The following C4orf54 variants were observed in gnomAD, a reference collection of about 807,000 sequenced individuals.
C4orf54 encodes chromosome 4 open reading frame 54, also known as uncharacterized protein C4orf54.
C4orf54 carries 67 observed loss-of-function variants against 80.1 expected under a neutral mutation model. That is an observed-to-expected ratio of 0.84 (90% CI 0.69 to 1.03). The LOEUF (loss-of-function observed/expected upper bound fraction) is 1.03. C4orf54 is among the 50% of genes least tolerant of loss of function. C4orf54 has a pLI of 0.00. For synonymous variants in C4orf54, 1,000 were observed against 917.0 expected, an observed-to-expected ratio of 1.09 and a Z score of -1.64; for missense variants, 2,434 against 2,253.5, an observed-to-expected ratio of 1.08 and a Z score of -1.62.
At chr4:99,641,475 C>T (rs746730352) in intron 2 of C4orf54, among the ~76,000 whole-genome samples, 52 of 152,056 alleles carry the variant, frequency 3.4e-4, no homozygotes, top group Middle Eastern at 6.8e-3. Context: ...TTAAATGTTC[C>T]GTTTCATTGA....
chr4:99,654,427 G>A lies in C4orf54; in HGVS notation c.222C>T (p.Leu74=), dbSNP rs1726944074. 1.3e-6 allele frequency: 1 copy of A among 765,950 alleles called. No homozygotes were observed. Among genetic ancestry groups the A allele is most frequent in the Non-Finnish European group, 2.3e-6 (1 of 442,978 alleles). 47.4% of individuals were successfully genotyped at this position (765,950 alleles called of 1,614,324 possible). A position where few individuals can be genotyped will look rare whatever the true frequency, so the allele number is the denominator to read the frequency against. The change falls in exon 2 of 3, where the codon CTC becomes CTT. Residue 74 remains leucine (L), a synonymous_variant. Transcript: ENST00000511828. ...TASSRSLPTS[L]RLAAAPPQGL... is the part of the protein sequence containing the mutation. ...CCTGTGGCGGGGCCGCAGCAAGCCT[G>A]AGGGAGGTGGGAAGGCTCCTGGATG...
rs1001949606 is a variant in C4orf54, at chr4:99,652,853, G to C, written c.1796C>G (p.Ala599Gly). Reference sequence around the variant, plus strand: ...GCTGGAGTAGTCCACCAGCTCCTTCGCCCGGATGGCCCCGCACCTGGTTTG... The same window carrying C: ...GCTGGAGTAGTCCACCAGCTCCTTCCCCCGGATGGCCCCGCACCTGGTTTG... ...RLQTRCGAIR[A>G]KELVDYSSGA... The change falls in exon 2 of 3, where the codon GCG (alanine) becomes GGG (glycine). Residue 599 changes from alanine to glycine, a missense_variant. Ala to Gly is a moderately conservative substitution (Grantham distance 60, BLOSUM62 0). Coordinates refer to ENST00000511828, the MANE Select transcript of C4orf54 (RefSeq NM_001354435.2). 2.2e-5 allele frequency: 34 copies of C among 1,535,946 alleles called. No individual in the cohort carries two copies. The highest frequency in any genetic ancestry group is 2.9e-5 in the Non-Finnish European group (33 of 1,146,894).
At chr4:99,642,273 G>A (rs1009801929) in intron 2 of C4orf54, among the ~76,000 whole-genome samples, 2 of 152,212 alleles carry the variant, frequency 1.3e-5, no homozygotes, top group Non-Finnish European at 2.9e-5. Flanking sequence ...AAAAGAAAAT[G>A]TGGGACTGAG....
In C4orf54 at chr4:99,639,679, AAAGG is replaced by A. The variant is rs1726572616; in HGVS notation, c.*1550_*1553del. On this transcript the variant is annotated 3_prime_UTR_variant, in exon 3 of 3. Transcript: ENST00000511828. Reference sequence around the variant, plus strand: ...ACTTTTTTTCAGAGTAAGATCCCTTAAAGGAAGGCCCTGAAAGTGAAATTAAGTC... The same window carrying A: ...ACTTTTTTTCAGAGTAAGATCCCTTAAAGGCCCTGAAAGTGAAATTAAGTC... The A allele has an allele frequency of 6.6e-6, 1 of 152,116 alleles. No individual in the cohort carries two copies. Among genetic ancestry groups the A allele is most frequent in the East Asian group, 1.9e-4 (1 of 5,192 alleles). 9.4% of individuals were successfully genotyped at this position (152,116 alleles called of 1,614,324 possible). A position where few individuals can be genotyped will look rare whatever the true frequency, so the allele number is the denominator to read the frequency against.
At position 99,640,469 on chromosome 4, in the gene C4orf54, A is replaced by G. The variant is rs950275968; in HGVS notation, c.*764T>C. The G allele has an allele frequency of 4.6e-5, 7 of 152,184 alleles. No homozygotes were observed. The highest frequency in any genetic ancestry group is 1.2e-4 in the African/African-American group (5 of 41,464). 9.4% of individuals were successfully genotyped at this position (152,184 alleles called of 1,614,324 possible). On this transcript the variant is annotated 3_prime_UTR_variant, in exon 3 of 3. Transcript: ENST00000511828. ...TCTTAAAGGAAAATAGATATTTTAT[A>G]CCTTTCTGAGACTAAGTACTTAATT...
rs1398990352 is a variant in C4orf54 at position 99,649,433 on chromosome 4, G to T, written c.5216C>A (p.Thr1739Asn). ...MASGQSPASS[T>N]SSAPAATSQL... Reference sequence around the variant, plus strand: ...GGATGTGGCTGCTGGGGCTGAGGAGGTTGAGGAGGCCGGAGACTGACCAGA... The same window carrying T: ...GGATGTGGCTGCTGGGGCTGAGGAGTTTGAGGAGGCCGGAGACTGACCAGA... Residue 1739 changes from threonine (T) to asparagine (N), a missense_variant, in exon 2 of 3, where the codon ACC becomes AAC. Coordinates refer to ENST00000511828, the MANE Select transcript of C4orf54 (RefSeq NM_001354435.2). 2 of 1,536,046 alleles carry T rather than the reference G, an allele frequency of 1.3e-6. No homozygotes were observed. The highest frequency in any genetic ancestry group is 1.7e-6 in the Non-Finnish European group (2 of 1,146,922).
Position 99,650,030 on chromosome 4 carries a change from C to T in C4orf54, c.4619G>A (p.Arg1540Gln), listed in dbSNP as rs750403980. 3.4e-5 allele frequency: 52 copies of T among 1,535,244 alleles called. No individual in the cohort carries two copies. The highest frequency in any genetic ancestry group is 3.2e-4 in the South Asian group (27 of 83,990). The change falls in exon 2 of 3, where the codon CGG becomes CAG. Residue 1540 changes from arginine to glutamine, a missense_variant. Arg to Gln is a conservative substitution (Grantham distance 43, BLOSUM62 1). Transcript: ENST00000511828. ...PAWRTKPDNP[R>Q]ETVAAPPGPQ... ...CCCTGGGGGGGCAGCTACTGTCTCC[C>T]GGGGGTTGTCAGGTTTGGTACGCCA...
In C4orf54 at chr4:99,652,099, G is replaced by A. The variant is rs1578275085; in HGVS notation, c.2550C>T (p.Gly850=). The A allele has an allele frequency of 1.3e-6, 2 of 1,536,068 alleles. No individual in the cohort carries two copies. Among genetic ancestry groups the A allele is most frequent in the Non-Finnish European group, 1.7e-6 (2 of 1,146,874 alleles). Reference sequence around the variant, plus strand: ...CTCGCTGCCTCTCGCTCCCGCGGGCGCCCTCCGTCTCCTTGGAGGTGCCTG... The same window carrying A: ...CTCGCTGCCTCTCGCTCCCGCGGGCACCCTCCGTCTCCTTGGAGGTGCCTG... ...HLSGTSKETE[G]ARGSERQRER... is the part of the protein sequence containing the mutation. Residue 850 remains glycine (G), a synonymous_variant, in exon 2 of 3, where the codon GGC becomes GGT. Coordinates refer to ENST00000511828, the MANE Select transcript of C4orf54 (RefSeq NM_001354435.2).
In C4orf54 at chr4:99,653,354, T is replaced by C. The variant is rs767562519; in HGVS notation, c.1295A>G (p.Tyr432Cys). ...GTTGGTGCTGGGAGTGGTGCTGAGG[T>C]AGCAGCTGTTGTCGTCGTCCTCTTC... ...LTEEDDDNSCYLSTTPSTNTT... is the reference protein window; with the variant it reads ...LTEEDDDNSCCLSTTPSTNTT... The change falls in exon 2 of 3, where the codon TAC (tyrosine) becomes TGC (cysteine). Residue 432 changes from tyrosine (Y) to cysteine (C), a missense_variant. Tyr to Cys is a radical substitution (Grantham distance 194). Transcript: ENST00000511828. The C allele has an allele frequency of 3.6e-5, 56 of 1,535,854 alleles. No individual in the cohort carries two copies. The highest frequency in any genetic ancestry group is 4.9e-5 in the Non-Finnish European group (56 of 1,146,630).
At chr4:99,643,888 A>G (rs1290648853) in intron 2 of C4orf54, among the ~76,000 whole-genome samples, 1 of 152,046 alleles carries the variant, frequency 6.6e-6, no homozygotes, top group Non-Finnish European at 1.5e-5. Context: ...GTCAATTCCA[A>G]CTGTGTTCTT....
intron 2 of C4orf54, among the ~76,000 whole-genome samples, chr4:99,647,072 T>C (rs527327500): frequency 1.3e-5 from 2 of 152,220 alleles, no homozygotes; most frequent in South Asian, 4.1e-4. Flanking sequence ...TTTACTAAAA[T>C]GAAGGTCGTG....
At chr4:99,655,551 T>A (rs1287060740) in intron 1 of C4orf54, among the ~76,000 whole-genome samples, 1 of 152,048 alleles carries the variant, frequency 6.6e-6, no homozygotes, top group African/African-American at 2.4e-5. Flanking sequence ...TGGAGGGAGA[T>A]TCAGAGAGGA....
Position 99,653,139 on chromosome 4 carries a change from C to T in C4orf54, c.1510G>A (p.Ala504Thr), listed in dbSNP as rs1237742892. Reference protein sequence around the residue: ...LPETPEAASGAAAAAASSCGS... With the variant: ...LPETPEAASGTAAAAASSCGS... ...CAGCTGCTTGCGGCGGCGGCTGCTG[C>T]CCCTGAAGCTGCCTCCGGGGTCTCA... The change falls in exon 2 of 3, where the codon GCA becomes ACA. Residue 504 changes from alanine (A) to threonine (T), a missense_variant. By Grantham distance (58) the Ala-to-Thr change is moderately conservative. Coordinates refer to ENST00000511828, the MANE Select transcript of C4orf54 (RefSeq NM_001354435.2). 7 of 1,536,166 alleles carry T rather than the reference C, an allele frequency of 4.6e-6. No individual in the cohort carries two copies. The highest frequency in any genetic ancestry group is 2.0e-5 in the Admixed American group (1 of 51,004).
intron 1 of C4orf54, among the ~76,000 whole-genome samples, chr4:99,655,252 T>C (rs924972243): frequency 2.0e-5 from 3 of 152,210 alleles, no homozygotes; most frequent in Non-Finnish European, 2.9e-5. Flanking sequence ...AGGGCAATTT[T>C]CAAAGACCTA....
chr4:99,653,991 C>A lies in C4orf54; in HGVS notation c.658G>T (p.Gly220Trp). ...GGGCTCCTAGAGGCCCTCTGACCCCCAGGGCAGTGCCCCAGGGTAAGTTTC... is the reference window on the plus strand; with the variant it reads ...GGGCTCCTAGAGGCCCTCTGACCCCAAGGGCAGTGCCCCAGGGTAAGTTTC... ...TMKLTLGHCPGGQRASRSPKE... is the reference protein window; with the variant it reads ...TMKLTLGHCPWGQRASRSPKE... The change falls in exon 2 of 3, where the codon GGG becomes TGG. Residue 220 changes from glycine (G) to tryptophan (W), a missense_variant. Physicochemically the swap from Gly to Trp is radical, Grantham distance 184. Coordinates refer to ENST00000511828, the MANE Select transcript of C4orf54 (RefSeq NM_001354435.2). The A allele has an allele frequency of 3.3e-6, 5 of 1,536,136 alleles. No homozygotes were observed. Among genetic ancestry groups the A allele is most frequent in the Non-Finnish European group, 4.4e-6 (5 of 1,146,898 alleles).
At position 99,651,433 on chromosome 4, in the gene C4orf54, C is replaced by T. The variant is rs761579732; in HGVS notation, c.3216G>A (p.Gln1072=). The change falls in exon 2 of 3, where the codon CAG becomes CAA. Residue 1072 remains glutamine, a synonymous_variant. Transcript: ENST00000511828. ...FKTIEDNSRA[Q]QKLFRGDNLE... ...GGTTGTCCCCGCGGAAGAGTTTCTG[C>T]TGTGCCCTGCTGTTGTCCTCGATGG... The T allele has an allele frequency of 4.6e-6, 7 of 1,536,314 alleles. No individual in the cohort carries two copies. The South Asian group carries it at 8.3e-5, about 18-fold the overall frequency.
Position 99,651,647 on chromosome 4 carries a change from T to C in C4orf54, c.3002A>G (p.Asp1001Gly). Reference protein sequence around the residue: ...FVPNIQQTPKDKQPRKQATKY... With the variant: ...FVPNIQQTPKGKQPRKQATKY... The stretch of plus-strand genomic sequence containing the variant: ...GGTGGCCTGCTTCCTCGGCTGCTTG[T>C]CCTTGGGTGTCTGCTGGATGTTGGG... Residue 1001 changes from aspartate to glycine, a missense_variant, in exon 2 of 3, where the codon GAC becomes GGC. Asp to Gly is a moderately conservative substitution (Grantham distance 94). Transcript: ENST00000511828. The C allele has an allele frequency of 1.3e-6, 2 of 1,536,054 alleles. No individual in the cohort carries two copies. Among genetic ancestry groups the C allele is most frequent in the Non-Finnish European group, 1.7e-6 (2 of 1,146,872 alleles).
At chr4:99,648,554 A>AGGGTGTGTGTGTGTGTGT (rs1553930080) in intron 2 of C4orf54, among the ~76,000 whole-genome samples, 1 of 145,740 alleles carries the variant, frequency 6.9e-6, no homozygotes, top group African/African-American at 2.6e-5. Flanking sequence ...TAGAGAACAA[A>AGGGTGTGTGTGTGTGTGT]GTGTGTGTGT....
intron 2 of C4orf54, among the ~76,000 whole-genome samples, chr4:99,645,212 G>A (rs1341623221): frequency 2.0e-5 from 3 of 151,822 alleles, no homozygotes; most frequent in Non-Finnish European, 4.4e-5. Flanking sequence ...ATGATCTAAG[G>A]ACCCAGTCTA....
Sources: gnomAD v4.1 joint callset for allele counts (sites outside exome capture counted in the v4.1 genomes callset) on GRCh38, gnomAD v4.1.1 for gene constraint, MANE v1.5 for transcripts, NCBI Gene and HGNC (gene_info 2026-07-23, HGNC 2026-07-21) for gene names.